Variants in SGCZ observed in about 807,000 individuals in gnomAD.
The protein encoded by SGCZ is sarcoglycan zeta.
A neutral mutation model predicts 41.3 loss-of-function variants in SGCZ; 40 were observed. The observed-to-expected ratio is 0.97, with a 90% CI of 0.75 to 1.26. The LOEUF (loss-of-function observed/expected upper bound fraction) is 1.26. SGCZ is among the 50% of genes most tolerant of loss of function. The pLI, the probability that SGCZ is intolerant of heterozygous loss-of-function variation, is 0.00. For missense variants in SGCZ, 552 were observed against 369.8 expected, an observed-to-expected ratio of 1.49 and a Z score of -4.04; for synonymous variants, 206 against 137.5, an observed-to-expected ratio of 1.50 and a Z score of -3.49.
intron 2 of SGCZ, among the ~76,000 whole-genome samples, chr8:14,427,175 T>C (rs896619726): frequency 6.6e-6 from 1 of 152,124 alleles, no homozygotes; most frequent in Non-Finnish European, 1.5e-5. Context: ...AAATTCTCTT[T>C]GCCAAAGGAA....
intron 1 of SGCZ, among the ~76,000 whole-genome samples, chr8:14,608,003 C>T (rs1156751910): frequency 6.6e-6 from 1 of 152,152 alleles, no homozygotes; most frequent in Non-Finnish European, 1.5e-5. Flanking sequence ...AGAAAGATTA[C>T]ATGATTTTCA....
At chr8:14,813,846 A>C (rs1183252462) in intron 1 of SGCZ, among the ~76,000 whole-genome samples, 5 of 152,220 alleles carry the variant, frequency 3.3e-5, no homozygotes, top group East Asian at 3.9e-4. Context: ...CCAGCTATAC[A>C]AGACACTAAG....
At chr8:14,475,862 G>A (rs1177608491) in intron 2 of SGCZ, among the ~76,000 whole-genome samples, 1 of 152,026 alleles carries the variant, frequency 6.6e-6, no homozygotes. Context: ...TTAAGACAGG[G>A]TCTGTCTGTG....
intron 2 of SGCZ, among the ~76,000 whole-genome samples, chr8:14,379,315 C>T (rs1804267059): frequency 6.6e-6 from 1 of 152,046 alleles, no homozygotes; most frequent in Non-Finnish European, 1.5e-5. Context: ...AAGTCAATAG[C>T]CTTCATAGAT....
intron 1 of SGCZ, among the ~76,000 whole-genome samples, chr8:15,073,085 T>A (rs1200143595): frequency 6.6e-6 from 1 of 152,160 alleles, no homozygotes; most frequent in Non-Finnish European, 1.5e-5. Flanking sequence ...ACAGCTCATG[T>A]CAGCATGGGC....
At chr8:14,898,932 A>G (rs1422701762) in intron 1 of SGCZ, among the ~76,000 whole-genome samples, 1 of 152,246 alleles carries the variant, frequency 6.6e-6, no homozygotes, top group Non-Finnish European at 1.5e-5. Context: ...CAGAATTTTC[A>G]AAATCAACAA....
At chr8:15,228,159 C>T (rs957511866) in intron 1 of SGCZ, among the ~76,000 whole-genome samples, 5 of 152,094 alleles carry the variant, frequency 3.3e-5, no homozygotes, top group Non-Finnish European at 7.4e-5. Flanking sequence ...GAAACAAATA[C>T]GTATGTAATA....
At chr8:14,099,566 A>G (rs1302685172) in intron 7 of SGCZ, among the ~76,000 whole-genome samples, 1 of 152,118 alleles carries the variant, frequency 6.6e-6, no homozygotes, top group Non-Finnish European at 1.5e-5. Flanking sequence ...CTCTTCTAAA[A>G]GTACAAATAT....
At chr8:14,184,905 T>C (rs1231664396) in intron 4 of SGCZ, among the ~76,000 whole-genome samples, 3 of 152,212 alleles carry the variant, frequency 2.0e-5, no homozygotes, top group African/African-American at 7.2e-5. Flanking sequence ...TTATAAAATA[T>C]AGCACCACAA....
At chr8:15,164,236 A>G (rs1163441293) in intron 1 of SGCZ, among the ~76,000 whole-genome samples, 1 of 152,162 alleles carries the variant, frequency 6.6e-6, no homozygotes, top group Non-Finnish European at 1.5e-5. Flanking sequence ...GGTGAGTGAA[A>G]TGGGGACTCA....
At chr8:14,703,480 T>A (rs1023389429) in intron 1 of SGCZ, among the ~76,000 whole-genome samples, 3 of 151,962 alleles carry the variant, frequency 2.0e-5, no homozygotes, top group Non-Finnish European at 2.9e-5. Flanking sequence ...CTGTCAACAC[T>A]CTCCAACTCT....
At chr8:14,207,709 C>A (rs1273746981) in intron 4 of SGCZ, among the ~76,000 whole-genome samples, 1 of 144,588 alleles carries the variant, frequency 6.9e-6, no homozygotes, top group East Asian at 2.1e-4. Flanking sequence ...GAATTAGTTA[C>A]CCTATGTTTG....
intron 1 of SGCZ, among the ~76,000 whole-genome samples, chr8:14,936,505 T>C (rs527748164): frequency 1.5e-4 from 23 of 152,038 alleles, no homozygotes; most frequent in South Asian, 6.2e-4. Context: ...ATGGTTTCTA[T>C]CAAATCATAT....
chr8:14,416,731 G>T (rs560589076), intron 2 of SGCZ, among the ~76,000 whole-genome samples: 32 of 151,954 alleles, frequency 2.1e-4, no homozygotes, highest in African/African-American at 7.7e-4. Flanking sequence ...AGCAAATCTG[G>T]CCACTCTGCT....
intron 1 of SGCZ, among the ~76,000 whole-genome samples, chr8:14,699,876 G>C (rs1809079977): frequency 6.6e-6 from 1 of 151,972 alleles, no homozygotes; most frequent in Non-Finnish European, 1.5e-5. Context: ...CTAATCATTA[G>C]AGAAATGCAA....
At chr8:14,774,747 A>T (rs1800348142) in intron 1 of SGCZ, among the ~76,000 whole-genome samples, 1 of 152,238 alleles carries the variant, frequency 6.6e-6, no homozygotes, top group Non-Finnish European at 1.5e-5. Flanking sequence ...CTTCATTAGC[A>T]CGAAGGCAAT....
intron 2 of SGCZ, among the ~76,000 whole-genome samples, chr8:14,519,851 T>C (rs1458319477): frequency 1.3e-5 from 2 of 152,172 alleles, no homozygotes; most frequent in African/African-American, 4.8e-5. Context: ...TGATCGTGTT[T>C]TGTGCTTCTA....
chr8:14,344,669 G>A (rs1411990091), intron 2 of SGCZ, among the ~76,000 whole-genome samples: 1 of 152,032 alleles, frequency 6.6e-6, no homozygotes, highest in Non-Finnish European at 1.5e-5. Context: ...TATGTATGCA[G>A]AAAATGTAAG....
At chr8:15,137,011 G>C (rs942863674) in intron 1 of SGCZ, among the ~76,000 whole-genome samples, 2 of 152,198 alleles carry the variant, frequency 1.3e-5, no homozygotes, top group Admixed American at 6.5e-5. Context: ...GGGCTTAGAA[G>C]ACAGGAAGAT....
Sources: gnomAD v4.1 joint callset for allele counts (sites outside exome capture counted in the v4.1 genomes callset) on GRCh38, gnomAD v4.1.1 for gene constraint, MANE v1.5 for transcripts, NCBI Gene and HGNC (gene_info 2026-07-23, HGNC 2026-07-21) for gene names.